UPF2: variants seen among roughly 807,000 people sequenced by gnomAD.
UPF2 encodes regulator of nonsense transcripts 2.
Under a neutral mutation model 141.4 loss-of-function variants are expected in UPF2, and 17 were observed. That is an observed-to-expected ratio of 0.12 (90% CI 0.08 to 0.18). The LOEUF (loss-of-function observed/expected upper bound fraction) is 0.18, where lower values mean the gene tolerates loss of function less well. Ranked by LOEUF, UPF2 falls within the 10% of genes least tolerant of loss-of-function variation. The probability of loss-of-function intolerance (pLI) is 1.00; values close to 1 mark genes in which losing one functional copy is unlikely to be tolerated. For synonymous variants in UPF2, 540 were observed against 498.0 expected (o/e 1.08, Z -1.12); for missense variants, 1,152 against 1,515.9 (o/e 0.76, Z 3.99).
chr10:11,998,581 G>A lies in UPF2; in HGVS notation c.1759-824C>T, dbSNP rs1466179816. 2.6e-5 allele frequency among the ~76,000 whole-genome samples: 4 copies of A among 152,228 alleles called. No individual in the cohort carries two copies. Among genetic ancestry groups the A allele is most frequent in the East Asian group, 3.9e-4 (2 of 5,174 alleles). ...TAAAAATCGCTCCTTGGATGGGCAC[G>A]GTGGCTCACACCTGTAATTCTAGCA... is the stretch of plus-strand genomic sequence containing the variant. On this transcript the variant is annotated intron_variant, in intron 7 of 21. Coordinates refer to ENST00000357604, the MANE Select transcript of UPF2 (RefSeq NM_015542.4). The surrounding 1 kb of genome is among the most constrained non-coding windows in gnomAD (Gnocchi z 4.5).
At chr10:11,984,675 C>A (rs1430919530) in intron 8 of UPF2, among the ~76,000 whole-genome samples, 3 of 150,398 alleles carry the variant, frequency 2.0e-5, no homozygotes, top group Non-Finnish European at 3.0e-5. Context: ...GCCCAATCTA[C>A]TGAGTCCCCC....
chr10:11,926,871 A>T (rs1832719437), intron 21 of UPF2, among the ~76,000 whole-genome samples: 1 of 152,220 alleles, frequency 6.6e-6, no homozygotes, highest in South Asian at 2.1e-4. Flanking sequence ...TAGAAAGTGA[A>T]GGAACTCTGC....
chr10:11,972,097 C>G (rs937728315), intron 9 of UPF2, among the ~76,000 whole-genome samples: 2 of 150,544 alleles, frequency 1.3e-5, no homozygotes, highest in South Asian at 2.1e-4. Flanking sequence ...CAAAAAAACA[C>G]TCTTCAGATA....
In UPF2 at chr10:11,931,442, CTAATT is replaced by C. The variant is rs1832780798; in HGVS notation, c.3688+194_3688+198del. 6.6e-6 allele frequency among the ~76,000 whole-genome samples: 1 copy of C among 152,106 alleles called. No individual in the cohort carries two copies. Among genetic ancestry groups the C allele is most frequent in the African/African-American group, 2.4e-5 (1 of 41,406 alleles). ...CAAACGTAGCTTAGCAGTTTATACT[CTAATT>C]TAATTAGAGCAAAATATGGTGAAAA... On this transcript the variant is annotated intron_variant, in intron 20 of 21. Transcript: ENST00000357604. This position sits in a 1 kb window ranked among gnomAD's most constrained non-coding sequence, Gnocchi z 5.9.
chr10:11,926,228 G>T (rs1489194837), intron 21 of UPF2, among the ~76,000 whole-genome samples: 1 of 152,220 alleles, frequency 6.6e-6, no homozygotes, highest in Non-Finnish European at 1.5e-5. Context: ...CTTTTCTTTT[G>T]TGGACAAGAG....
At chr10:11,937,791 A>G (rs1832872946) in intron 18 of UPF2, among the ~76,000 whole-genome samples, 1 of 152,202 alleles carries the variant, frequency 6.6e-6, no homozygotes. Flanking sequence ...TTGCAAATCA[A>G]GCAAAATCCT....
chr10:11,923,798 C>T (rs555037268), intron 21 of UPF2, among the ~76,000 whole-genome samples: 1 of 152,174 alleles, frequency 6.6e-6, no homozygotes, highest in African/African-American at 2.4e-5. Flanking sequence ...GAGATCCCGG[C>T]ACTGCACTCC....
At chr10:11,947,745 C>A (rs1027429622) in intron 16 of UPF2, among the ~76,000 whole-genome samples, 1 of 141,918 alleles carries the variant, frequency 7.0e-6, no homozygotes, top group Admixed American at 7.5e-5. Flanking sequence ...TATGATCACA[C>A]CACTCCACTC....
At chr10:12,031,172 TC>T (rs1293720553) in intron 2 of UPF2, among the ~76,000 whole-genome samples, 2 of 78,392 alleles carry the variant, frequency 2.6e-5, no homozygotes, top group South Asian at 3.9e-4. Flanking sequence ...AGACTCCATC[TC>T]AAAAAAAAAA....
In UPF2 at chr10:11,964,460, A is replaced by G. The variant is rs138414615; in HGVS notation, c.2068-335T>C. On this transcript the variant is annotated intron_variant, in intron 10 of 21. Coordinates refer to ENST00000357604, the MANE Select transcript of UPF2 (RefSeq NM_015542.4). ...TCTTGGTCTATATATTTATTTTCCA[A>G]AATTCTCACTACAAAAGTATTATTT... is the stretch of plus-strand genomic sequence containing the variant. Among the ~76,000 whole-genome samples the G allele has an allele frequency of 1.5e-3, 236 of 152,316 alleles. 1 individual carries two copies. The highest frequency in any genetic ancestry group is 5.2e-3 in the African/African-American group (218 of 41,570).
chr10:12,006,085 G>C (rs1834030695), intron 4 of UPF2, among the ~76,000 whole-genome samples: 1 of 151,694 alleles, frequency 6.6e-6, no homozygotes, highest in African/African-American at 2.4e-5. Flanking sequence ...TCATTATGTT[G>C]CCTAGGCTGG....
chr10:12,028,468 A>G (rs1340443792), intron 3 of UPF2, among the ~76,000 whole-genome samples: 3 of 152,202 alleles, frequency 2.0e-5, no homozygotes, highest in Non-Finnish European at 2.9e-5. Flanking sequence ...TTGATTATTA[A>G]GGAGTATTTA....
Position 11,922,414 on chromosome 10 carries a change from A to G in UPF2, c.3810-1107T>C, listed in dbSNP as rs142072527. 6.8e-3 allele frequency among the ~76,000 whole-genome samples: 1,038 copies of G among 152,348 alleles called. 12 individuals carry two copies. Among genetic ancestry groups the G allele is most frequent in the African/African-American group, 0.023 (977 of 41,576 alleles). On this transcript the variant is annotated intron_variant, in intron 21 of 21. Coordinates refer to ENST00000357604, the MANE Select transcript of UPF2 (RefSeq NM_015542.4). Reference sequence around the variant, plus strand: ...GCTGGATAAGATCCGTAACTCTTCCAGAAATGAACTGATGGAAAGAACACA... The same window carrying G: ...GCTGGATAAGATCCGTAACTCTTCCGGAAATGAACTGATGGAAAGAACACA...
intron 18 of UPF2, among the ~76,000 whole-genome samples, chr10:11,938,868 T>TTTTTTTGTTTTG (rs1832896680): frequency 1.1e-5 from 1 of 90,822 alleles, no homozygotes; most frequent in South Asian, 4.9e-4. Context: ...TTTTTTTTTT[T>TTTTTTTGTTTTG]TTTTTTTTTT....
At chr10:12,039,630 T>C (rs1222501379) in intron 1 of UPF2, among the ~76,000 whole-genome samples, 2 of 151,486 alleles carry the variant, frequency 1.3e-5, no homozygotes, top group East Asian at 1.9e-4. Flanking sequence ...CTCTTTTTTT[T>C]TTTTTTTTTG....
intron 3 of UPF2, among the ~76,000 whole-genome samples, chr10:12,018,684 C>T (rs1701486): frequency 0.16 from 24,876 of 151,832 alleles, 2,496 homozygotes; most frequent in African/African-American, 0.28. Context: ...CCCAGGAGGT[C>T]GAGGCTGCAG....
chr10:12,024,533 C>T (rs1834375192), intron 3 of UPF2, among the ~76,000 whole-genome samples: 1 of 151,988 alleles, frequency 6.6e-6, no homozygotes, highest in African/African-American at 2.4e-5. Flanking sequence ...TTGCTTGAAC[C>T]CAGGAGGCGG....
chr10:12,017,610 C>T (rs1472997740), intron 3 of UPF2, among the ~76,000 whole-genome samples: 1 of 152,202 alleles, frequency 6.6e-6, no homozygotes, highest in Non-Finnish European at 1.5e-5. Flanking sequence ...TGATCAAATG[C>T]ATTAACAGCA....
At chr10:11,984,623 G>A (rs532022632) in intron 8 of UPF2, among the ~76,000 whole-genome samples, 1 of 149,664 alleles carries the variant, frequency 6.7e-6, no homozygotes, top group East Asian at 2.0e-4. Flanking sequence ...TCTTCCACTT[G>A]TTGGTCTGTC....
Sources: gnomAD v4.1 joint callset for allele counts (sites outside exome capture counted in the v4.1 genomes callset) on GRCh38, gnomAD v4.1.1 for gene constraint, Gnocchi (gnomAD v3.1) non-coding constraint, MANE v1.5 for transcripts, NCBI Gene and HGNC (gene_info 2026-07-23, HGNC 2026-07-21) for gene names.